DYNC1H1: variants seen among roughly 807,000 people sequenced by gnomAD.
The protein encoded by DYNC1H1 is cytoplasmic dynein 1 heavy chain 1.
A neutral mutation model predicts 527.1 loss-of-function variants in DYNC1H1; 51 were observed. That is an observed-to-expected ratio of 0.10 (90% confidence interval 0.08 to 0.12). The LOEUF is 0.12. DYNC1H1 is among the 10% of genes least tolerant of loss of function. The pLI, the probability that DYNC1H1 is intolerant of heterozygous loss-of-function variation, is 1.00. For missense variants in DYNC1H1, 2,771 were observed against 5,971.8 expected (o/e 0.46, Z 17.66); for synonymous variants, 2,189 against 2,278.8 (o/e 0.96, Z 1.12).
In DYNC1H1 at chr14:102,036,390, C is replaced by G; in HGVS notation, c.10755-99C>G. 2.0e-6 allele frequency: 3 copies of G among 1,526,204 alleles called. No homozygotes were observed. The highest frequency in any genetic ancestry group is 2.7e-6 in the Non-Finnish European group (3 of 1,106,276). The allele number at this position is 1,526,204 out of a possible 1,614,324, so 94.5% of individuals were successfully genotyped here. On this transcript the variant is annotated intron_variant, in intron 56 of 77. Transcript: ENST00000360184. This position sits in a 1 kb window ranked among gnomAD's most constrained non-coding sequence, Gnocchi z 5.6. ...AACCACTCTCGGGTGGTGGTAACAG[C>G]CTATCAATCAGGGTCTCTCATCAGG...
chr14:102,036,277 T>A lies in DYNC1H1; in HGVS notation c.10755-212T>A. 1 of 564,576 alleles carries A rather than the reference T, an allele frequency of 1.8e-6. No homozygotes were observed. The highest frequency in any genetic ancestry group is 3.2e-6 in the Non-Finnish European group (1 of 314,426). 35.0% of individuals were successfully genotyped at this position (564,576 alleles called of 1,614,324 possible). ...CTCTTGGTGTATGACTCAAGCTACCTCCTCATGCCAATAGTTGTTCAAAAG... is the reference window on the plus strand; with the variant it reads ...CTCTTGGTGTATGACTCAAGCTACCACCTCATGCCAATAGTTGTTCAAAAG... On this transcript the variant is annotated intron_variant, in intron 56 of 77. Transcript: ENST00000360184. This position sits in a 1 kb window ranked among gnomAD's most constrained non-coding sequence, Gnocchi z 5.6.
intron 52 of DYNC1H1, 68 bp from the exon 53 acceptor site, chr14:102,032,997 T>C: frequency 6.5e-7 from 1 of 1,528,334 alleles, no homozygotes; most frequent in South Asian, 1.1e-5. Flanking sequence ...TCTTCCATTT[T>C]AATTTTATGA....
intron 4 of DYNC1H1, 41 bp downstream of exon 4, chr14:101,980,015 CT>C: frequency 6.2e-7 from 1 of 1,613,318 alleles, no homozygotes; most frequent in Non-Finnish European, 8.5e-7. Flanking sequence ...ATATGTTACT[CT>C]TTAATATCTT....
chr14:102,025,686 C>CCA (rs1443339059), intron 43 of DYNC1H1, among the ~76,000 whole-genome samples: 1 of 152,064 alleles, frequency 6.6e-6, no homozygotes, highest in Admixed American at 6.6e-5. Context: ...ACCCATTATC[C>CCA]CAGCAAAGTT....
chr14:102,004,670 G>A lies in DYNC1H1; in HGVS notation c.5036G>A (p.Arg1679Gln), dbSNP rs1363933930. ...DNSVVLGISS[R>Q]EGEEVMFKTP... ...TCTGTTGTTTTGGGTATTTCATCTC[G>A]GGAAGGAGAGGAGGTAAATTTATGT... Residue 1679 changes from arginine to glutamine, a missense_variant, in exon 24 of 78, where the codon CGG becomes CAG. Around this residue, in one of 32 missense-constraint regions of DYNC1H1, gnomAD observed 105 missense variants for 138.1 expected, o/e 0.76. Transcript: ENST00000360184. 7 of 1,614,106 alleles carry A rather than the reference G, an allele frequency of 4.3e-6. No individual in the cohort carries two copies. The highest frequency in any genetic ancestry group is 5.9e-6 in the Non-Finnish European group (7 of 1,180,022).
chr14:102,000,507 G>A, intron 18 of DYNC1H1, 108 bp downstream of exon 18: 3 of 928,356 alleles, frequency 3.2e-6, no homozygotes, highest in East Asian at 5.4e-5. Flanking sequence ...TTCATAAGAT[G>A]TCATTTAATG....
In DYNC1H1 at chr14:101,983,107, G is replaced by A; in HGVS notation, c.1050G>A (p.Leu350=). The change falls in exon 6 of 78, where the codon CTG becomes CTA. Residue 350 remains leucine (L), a synonymous_variant. Coordinates refer to ENST00000360184, the MANE Select transcript of DYNC1H1 (RefSeq NM_001376.5). This position sits in a 1 kb window ranked among gnomAD's most constrained non-coding sequence, Gnocchi z 5.3. The part of the protein sequence containing the change: ...PLNDLLSATE[L]DKIRQALVAI... ...ATGATTTGCTGTCTGCCACGGAGCT[G>A]GACAAAATAAGACAGGCGCTTGTTG... The A allele has an allele frequency of 1.2e-6, 2 of 1,614,136 alleles. No homozygotes were observed. Among genetic ancestry groups the A allele is most frequent in the Non-Finnish European group, 1.7e-6 (2 of 1,180,032 alleles).
In DYNC1H1 at chr14:102,044,725, G is replaced by C; in HGVS notation, c.13006+27G>C. 1 of 1,608,716 alleles carries C rather than the reference G, an allele frequency of 6.2e-7. No homozygotes were observed. The highest frequency in any genetic ancestry group is 8.5e-7 in the Non-Finnish European group (1 of 1,176,364). On this transcript the variant is annotated intron_variant, in intron 72 of 77. Transcript: ENST00000360184. This position sits in a 1 kb window ranked among gnomAD's most constrained non-coding sequence, Gnocchi z 7.1. Reference sequence around the variant, plus strand: ...TAGGCAACAAGGATCCTCCCCACACGCAGGGTGGGTGGCGAGGGTCCCCTC... The same window carrying C: ...TAGGCAACAAGGATCCTCCCCACACCCAGGGTGGGTGGCGAGGGTCCCCTC...
chr14:101,975,911 T>A, intron 2 of DYNC1H1, 112 bp downstream of exon 2: 4 of 241,330 alleles, frequency 1.7e-5, no homozygotes, highest in Non-Finnish European at 2.9e-5. Context: ...AATATAAATC[T>A]TTTTTTTTTT....
At chr14:101,984,730 A>C (rs2047913203) in intron 7 of DYNC1H1, among the ~76,000 whole-genome samples, 1 of 150,992 alleles carries the variant, frequency 6.6e-6, no homozygotes, top group Non-Finnish European at 1.5e-5. Context: ...CAGAAGATTG[A>C]GACTATCCTG....
intron 56 of DYNC1H1, chr14:102,035,652 G>C (rs1405715305): frequency 6.6e-6 from 1 of 152,292 alleles, no homozygotes; most frequent in African/African-American, 2.4e-5. Context: ...GTGCTGGGTA[G>C]TCTTTGCCAA....
Position 101,991,537 on chromosome 14 carries a change from A to G in DYNC1H1, c.2879A>G (p.His960Arg). 6.2e-7 allele frequency: 1 copy of G among 1,614,252 alleles called. No homozygotes were observed. The highest frequency in any genetic ancestry group is 8.5e-7 in the Non-Finnish European group (1 of 1,180,036). Residue 960 changes from histidine to arginine, a missense_variant, in exon 11 of 78, where the codon CAT becomes CGT. This residue lies in a region of DYNC1H1 where 179 missense variants were observed against 349.4 expected (regional missense o/e 0.51). Coordinates refer to ENST00000360184, the MANE Select transcript of DYNC1H1 (RefSeq NM_001376.5). ...ACCTTTCTTTCACAGAATGTCGTTC[A>G]TGAGCTAAGAATAACCAATCAGGTA... ...GGEPKIKNVV[H>R]ELRITNQVIY...
chr14:102,041,537 C>A lies in DYNC1H1; in HGVS notation c.11942-37C>A, dbSNP rs2048649236. ...AGGGGAGGGCGTCTCTGAGTCCATG[C>A]TTCCACCCAGCACCCACCCCTCTGT... On this transcript the variant is annotated intron_variant, in intron 64 of 77. Coordinates refer to ENST00000360184, the MANE Select transcript of DYNC1H1 (RefSeq NM_001376.5). The surrounding 1 kb of genome is among the most constrained non-coding windows in gnomAD (Gnocchi z 4.5). 20 of 1,612,940 alleles carry A rather than the reference C, an allele frequency of 1.2e-5. No homozygotes were observed. Among genetic ancestry groups the A allele is most frequent in the Non-Finnish European group, 1.7e-5 (20 of 1,180,000 alleles).
chr14:101,994,461 CAG>C (rs1595605176), intron 12 of DYNC1H1, 137 bp downstream of exon 12: 1 of 1,419,180 alleles, frequency 7.0e-7, no homozygotes, highest in East Asian at 2.3e-5. Flanking sequence ...TGTTTCAAAG[CAG>C]AGAGTAAATG....
Position 102,030,179 on chromosome 14 carries a change from C to T in DYNC1H1, c.9780C>T (p.Ile3260=), listed in dbSNP as rs1486174617. 4 of 1,614,090 alleles carry T rather than the reference C, an allele frequency of 2.5e-6. No homozygotes were observed. Among genetic ancestry groups the T allele is most frequent in the Non-Finnish European group, 2.5e-6 (3 of 1,180,014 alleles). ...AEKKKVMSQE[I]QEQLHKQQEV... ...CTTTCTAGGTTATGAGCCAAGAAATCCAGGAACAGCTGCATAAGCAGCAGG... is the reference window on the plus strand; with the variant it reads ...CTTTCTAGGTTATGAGCCAAGAAATTCAGGAACAGCTGCATAAGCAGCAGG... Residue 3260 remains isoleucine (I), a synonymous_variant, in exon 51 of 78, where the codon ATC becomes ATT. Coordinates refer to ENST00000360184, the MANE Select transcript of DYNC1H1 (RefSeq NM_001376.5).
Position 102,009,844 on chromosome 14 carries a change from C to T in DYNC1H1, c.5979C>T (p.Thr1993=). The T allele has an allele frequency of 6.2e-7, 1 of 1,614,008 alleles. No individual in the cohort carries two copies. The highest frequency in any genetic ancestry group is 8.5e-7 in the Non-Finnish European group (1 of 1,180,014). The change falls in exon 30 of 78, where the codon ACC becomes ACT. Residue 1993 remains threonine (T), a splice_region_variant and synonymous_variant. Transcript: ENST00000360184. The part of the protein sequence containing the change: ...REHSNPNYDK[T]SAPITCELLN... ...TTAACGCTATCATCTCATTCTCAGC[C>T]TCTGCCCCCATTACTTGTGAGCTGC... is the stretch of plus-strand genomic sequence containing the variant.
chr14:102,035,386 T>C (rs1009385005), intron 56 of DYNC1H1: 2 of 152,296 alleles, frequency 1.3e-5, no homozygotes, highest in Non-Finnish European at 2.9e-5. Flanking sequence ...GGGATGTAAC[T>C]GCAGTGAAGA....
At position 102,027,150 on chromosome 14, in the gene DYNC1H1, T is replaced by C. The variant is rs2048460414; in HGVS notation, c.8772-24T>C. On this transcript the variant is annotated intron_variant, in intron 44 of 77. Transcript: ENST00000360184. This position sits in a 1 kb window ranked among gnomAD's most constrained non-coding sequence, Gnocchi z 7.7. ...AATGAGGCATTATAAGCCTTAACAT[T>C]GATCAGTTCTCGTAATGTTTCAGAA... The C allele has an allele frequency of 6.2e-7, 1 of 1,609,350 alleles. No homozygotes were observed. The highest frequency in any genetic ancestry group is 8.5e-7 in the Non-Finnish European group (1 of 1,175,644).
Position 102,041,512 on chromosome 14 carries a change from A to C in DYNC1H1, c.11942-62A>C. 6.2e-7 allele frequency: 1 copy of C among 1,610,980 alleles called. No homozygotes were observed. Among genetic ancestry groups the C allele is most frequent in the Non-Finnish European group, 8.5e-7 (1 of 1,178,876 alleles). On this transcript the variant is annotated intron_variant, in intron 64 of 77. Coordinates refer to ENST00000360184, the MANE Select transcript of DYNC1H1 (RefSeq NM_001376.5). This position sits in a 1 kb window ranked among gnomAD's most constrained non-coding sequence, Gnocchi z 4.5. ...GTACTTTGGGAAGAACAGTCCAGGC[A>C]GGGGAGGGCGTCTCTGAGTCCATGC...
Sources: gnomAD v4.1 joint callset for allele counts (sites outside exome capture counted in the v4.1 genomes callset) on GRCh38, gnomAD v4.1.1 for gene constraint, gnomAD v4.1.1 regional missense constraint, Gnocchi (gnomAD v3.1) non-coding constraint, MANE v1.5 for transcripts, NCBI Gene and HGNC (gene_info 2026-07-23, HGNC 2026-07-21) for gene names.